RABGAP1L: variants seen among roughly 807,000 people sequenced by gnomAD.
RABGAP1L encodes rab GTPase-activating protein 1-like.
A neutral mutation model predicts 137.7 loss-of-function variants in RABGAP1L; 63 were observed. The observed-to-expected ratio is 0.46, with a 90% CI of 0.37 to 0.56. The LOEUF (loss-of-function observed/expected upper bound fraction) is 0.56. Among genes scored for constraint, RABGAP1L ranks in the 20% least tolerant of loss-of-function variants. The probability of loss-of-function intolerance (pLI) is 0.00; values close to 1 mark genes in which losing one functional copy is unlikely to be tolerated. For missense variants in RABGAP1L, 1,095 were observed against 1,244.0 expected, an observed-to-expected ratio of 0.88 and a Z score of 1.80; for synonymous variants, 431 against 433.7, an observed-to-expected ratio of 0.99 and a Z score of 0.08.
At chr1:174,613,852 C>A (rs905025395) in intron 13 of RABGAP1L, among the ~76,000 whole-genome samples, 1 of 152,050 alleles carries the variant, frequency 6.6e-6, no homozygotes, top group African/African-American at 2.4e-5. Flanking sequence ...GGTGTAAAGT[C>A]TGTTTTATCA....
At chr1:174,225,097 C>T (rs542845097) in intron 3 of RABGAP1L, among the ~76,000 whole-genome samples, 3 of 152,078 alleles carry the variant, frequency 2.0e-5, no homozygotes, top group African/African-American at 4.8e-5. Flanking sequence ...ATTTCCATAC[C>T]GTTCTCACAA....
At position 174,838,179 on chromosome 1, in the gene RABGAP1L, C is replaced by T. The variant is rs77768850; in HGVS notation, c.2340+26219C>T. Among the ~76,000 whole-genome samples, 844 of 152,268 alleles carry T rather than the reference C, an allele frequency of 5.5e-3. 7 individuals carry two copies. Among genetic ancestry groups the T allele is most frequent in the African/African-American group, 0.02 (820 of 41,560 alleles). ...AATACTTAAAATGCAATAAAATGAG[C>T]ATATCTGTTTCACAAGACTAATGTT... On this transcript the variant is annotated intron_variant, in intron 19 of 25. Coordinates refer to ENST00000681986, the MANE Select transcript of RABGAP1L (RefSeq NM_001366446.1).
At chr1:174,326,364 T>C (rs1220622609) in intron 11 of RABGAP1L, among the ~76,000 whole-genome samples, 3 of 152,130 alleles carry the variant, frequency 2.0e-5, no homozygotes. Context: ...TTGGGAATCA[T>C]ATAAAAAATC....
At chr1:174,512,824 C>T (rs1662477867) in intron 13 of RABGAP1L, among the ~76,000 whole-genome samples, 1 of 152,068 alleles carries the variant, frequency 6.6e-6, no homozygotes, top group Middle Eastern at 3.2e-3. Flanking sequence ...ATTGCTTTAG[C>T]CTAGGTAATT....
intron 11 of RABGAP1L, among the ~76,000 whole-genome samples, chr1:174,333,239 T>C (rs892995135): frequency 6.6e-6 from 1 of 152,208 alleles, no homozygotes; most frequent in Non-Finnish European, 1.5e-5. Context: ...GAATAAATTC[T>C]GCTACTCCGT....
intron 1 of RABGAP1L, among the ~76,000 whole-genome samples, chr1:174,215,948 A>C (rs1310200567): frequency 3.3e-5 from 5 of 152,222 alleles, no homozygotes; most frequent in Non-Finnish European, 5.9e-5. Flanking sequence ...TATACAGTGG[A>C]GTACTATTCA....
intron 13 of RABGAP1L, among the ~76,000 whole-genome samples, chr1:174,607,746 T>C (rs1670892437): frequency 6.6e-6 from 1 of 152,240 alleles, no homozygotes; most frequent in African/African-American, 2.4e-5. Context: ...AGTGGCTATT[T>C]GGATAATTGG....
chr1:174,486,239 T>C (rs2901818), intron 13 of RABGAP1L, among the ~76,000 whole-genome samples: 51,491 of 134,332 alleles, frequency 0.38, 11,969 homozygotes, highest in African/African-American at 0.69. Context: ...TTTTTTTTTT[T>C]GTCTGGCTAA....
intron 13 of RABGAP1L, among the ~76,000 whole-genome samples, chr1:174,487,740 C>T (rs1659807519): frequency 6.6e-6 from 1 of 152,012 alleles, no homozygotes; most frequent in African/African-American, 2.4e-5. Flanking sequence ...GTGATTTTCT[C>T]TGTTGGTATG....
At chr1:174,649,409 C>A (rs942011047) in intron 14 of RABGAP1L, among the ~76,000 whole-genome samples, 15 of 152,090 alleles carry the variant, frequency 9.9e-5, no homozygotes, top group African/African-American at 3.6e-4. Flanking sequence ...GTGACAAAAT[C>A]CCTCGGCGAT....
At chr1:174,981,472 G>C (rs1386093252) in intron 23 of RABGAP1L, among the ~76,000 whole-genome samples, 1 of 137,006 alleles carries the variant, frequency 7.3e-6, no homozygotes, top group African/African-American at 2.8e-5. Flanking sequence ...TTAAATGTCT[G>C]TTTTGATAAT....
chr1:174,213,988 C>A (rs1479468501), intron 1 of RABGAP1L, among the ~76,000 whole-genome samples: 1 of 152,070 alleles, frequency 6.6e-6, no homozygotes, highest in Non-Finnish European at 1.5e-5. Flanking sequence ...GAAGTCCTAG[C>A]TAGAGCTATC....
intron 24 of RABGAP1L, 110 bp downstream of exon 24, chr1:174,983,015 A>T (rs1338404447): frequency 2.6e-6 from 3 of 1,170,644 alleles, no homozygotes; most frequent in Non-Finnish European, 3.7e-6. Flanking sequence ...ATTTATTAAT[A>T]GGAATTATGG....
chr1:174,527,904 T>A, intron 13 of RABGAP1L, among the ~76,000 whole-genome samples: 1 of 150,044 alleles, frequency 6.7e-6, no homozygotes, highest in Non-Finnish European at 1.5e-5. Context: ...TACTTGTCTT[T>A]TTTTTTTTTT....
chr1:174,878,562 CTTA>C (rs1653552856), intron 19 of RABGAP1L, among the ~76,000 whole-genome samples: 1 of 152,074 alleles, frequency 6.6e-6, no homozygotes, highest in East Asian at 1.9e-4. Flanking sequence ...GTAGTAACTT[CTTA>C]TTATATTTAA....
rs778024211 is a variant in RABGAP1L, at chr1:174,278,668, G to A, written c.1212G>A (p.Glu404=). 2.5e-5 allele frequency: 41 copies of A among 1,613,364 alleles called. No individual in the cohort carries two copies. The highest frequency in any genetic ancestry group is 3.4e-5 in the Non-Finnish European group (40 of 1,179,736). ...ATATGGTAGTCACAGAGGTGGTGGA[G>A]CCTGTTCGCTTTCTCCTGGAGACAG... The part of the protein sequence containing the change: ...AVDMVVTEVV[E]PVRFLLETVV... Residue 404 remains glutamate (E), a synonymous_variant, in exon 10 of 26, where the codon GAG becomes GAA. Coordinates refer to ENST00000681986, the MANE Select transcript of RABGAP1L (RefSeq NM_001366446.1).
At chr1:174,386,245 T>G (rs1686766157) in intron 12 of RABGAP1L, among the ~76,000 whole-genome samples, 1 of 152,194 alleles carries the variant, frequency 6.6e-6, no homozygotes, top group Non-Finnish European at 1.5e-5. Context: ...ATTTAATTGT[T>G]GCAGCAGCTC....
chr1:174,188,696 G>A (rs12087441), intron 1 of RABGAP1L, among the ~76,000 whole-genome samples: 89,271 of 152,098 alleles, frequency 0.59, 29,180 homozygotes, highest in African/African-American at 0.9. Flanking sequence ...CATTGTAAAT[G>A]AGCAATAATA....
chr1:174,767,569 G>C (rs1428263186), intron 18 of RABGAP1L, among the ~76,000 whole-genome samples: 1 of 151,130 alleles, frequency 6.6e-6, no homozygotes, highest in African/African-American at 2.4e-5. Context: ...TGTCACCCAG[G>C]CTGTAGTGCA....
Sources: allele counts gnomAD v4.1 joint callset (sites outside exome capture counted in the v4.1 genomes callset), GRCh38; gene constraint gnomAD v4.1.1; transcripts MANE v1.5; gene names NCBI Gene and HGNC (gene_info 2026-07-23, HGNC 2026-07-21).